SLC15A1: variants seen among roughly 807,000 people sequenced by gnomAD.
SLC15A1 encodes Caco-2 oligopeptide transporter.
In SLC15A1, 83 loss-of-function variants were observed where a neutral mutation model predicts 92.9. The ratio of observed to expected loss-of-function variants is 0.89; its 90% CI spans 0.75 to 1.07. SLC15A1 has a LOEUF of 1.07. Ranked by LOEUF, SLC15A1 falls within the 50% of genes least tolerant of loss-of-function variation. The probability of loss-of-function intolerance (pLI) is 0.00; values close to 1 mark genes in which losing one functional copy is unlikely to be tolerated. For missense variants in SLC15A1, 857 were observed against 880.1 expected (o/e 0.97, Z 0.33); for synonymous variants, 322 against 318.2 (o/e 1.01, Z -0.13).
At chr13:98,690,945 A>G (rs919335445) in intron 18 of SLC15A1, among the ~76,000 whole-genome samples, 1 of 152,116 alleles carries the variant, frequency 6.6e-6, no homozygotes, top group African/African-American at 2.4e-5. Flanking sequence ...CTTGATGTCA[A>G]TGGAATCATT....
intron 15 of SLC15A1, 86 bp downstream of exon 15, chr13:98,708,599 AT>A: frequency 8.4e-7 from 1 of 1,190,898 alleles, no homozygotes; most frequent in Non-Finnish European, 1.2e-6. Context: ...GCCTCCCCTA[AT>A]CCCCTTCATG....
chr13:98,692,747 ATTTG>A (rs893907248), intron 18 of SLC15A1, among the ~76,000 whole-genome samples: 4 of 151,898 alleles, frequency 2.6e-5, no homozygotes, highest in African/African-American at 7.3e-5. Flanking sequence ...ATTTTTATTT[ATTTG>A]TTTGTTTGTT....
intron 1 of SLC15A1, among the ~76,000 whole-genome samples, chr13:98,730,764 G>A (rs2088344493): frequency 6.6e-6 from 1 of 152,186 alleles, no homozygotes; most frequent in African/African-American, 2.4e-5. Flanking sequence ...CTAAGGCCCC[G>A]TTTATCAGTC....
chr13:98,686,997 G>A (rs2087934421), intron 21 of SLC15A1, among the ~76,000 whole-genome samples: 1 of 148,478 alleles, frequency 6.7e-6, no homozygotes, highest in South Asian at 2.1e-4. Context: ...GCGCATGCTG[G>A]AGTGCAGTGG....
chr13:98,746,324 G>C (rs1308190156), intron 1 of SLC15A1, among the ~76,000 whole-genome samples: 1 of 152,102 alleles, frequency 6.6e-6, no homozygotes, highest in Non-Finnish European at 1.5e-5. Flanking sequence ...TAGTGCTTCA[G>C]TGAACATATG....
intron 18 of SLC15A1, among the ~76,000 whole-genome samples, chr13:98,689,042 C>T (rs965482884): frequency 3.3e-5 from 5 of 152,210 alleles, no homozygotes; most frequent in South Asian, 2.1e-4. Flanking sequence ...CAGGTTCAAG[C>T]GATTTTCCTG....
At chr13:98,712,681 G>T in intron 9 of SLC15A1, 97 bp from the exon 10 acceptor site, 2 of 850,930 alleles carry the variant, frequency 2.4e-6, no homozygotes, top group South Asian at 1.6e-5. Flanking sequence ...AAAAATATAC[G>T]TGTGAGAAAA....
chr13:98,727,972 T>G (rs2139597594), intron 1 of SLC15A1, among the ~76,000 whole-genome samples: 1 of 152,280 alleles, frequency 6.6e-6, no homozygotes, highest in East Asian at 1.9e-4. Flanking sequence ...AACAGATGGC[T>G]GGGCCCCATT....
intron 1 of SLC15A1, among the ~76,000 whole-genome samples, chr13:98,731,111 AG>A (rs2088347071): frequency 6.6e-6 from 1 of 152,110 alleles, no homozygotes; most frequent in Non-Finnish European, 1.5e-5. Flanking sequence ...CTTGCAGGCC[AG>A]GGGGCAACAG....
At chr13:98,686,553 G>A (rs1171584952) in intron 21 of SLC15A1, among the ~76,000 whole-genome samples, 1 of 152,140 alleles carries the variant, frequency 6.6e-6, no homozygotes, top group Non-Finnish European at 1.5e-5. Context: ...ACACATCTAC[G>A]GAGGAGCTGA....
chr13:98,698,287 T>G (rs1054618563), intron 18 of SLC15A1, among the ~76,000 whole-genome samples: 3 of 152,208 alleles, frequency 2.0e-5, no homozygotes, highest in African/African-American at 7.2e-5. Context: ...TAAATCCTGT[T>G]TATGGATCTA....
At chr13:98,721,733 T>C in intron 6 of SLC15A1, 71 bp downstream of exon 6, 1 of 1,448,228 alleles carries the variant, frequency 6.9e-7, no homozygotes, top group South Asian at 1.2e-5. Flanking sequence ...GAACAGACTT[T>C]GTGCCCGTGG....
Position 98,709,845 on chromosome 13 carries a change from A to G in SLC15A1, c.945+22T>C, listed in dbSNP as rs2088147081. The G allele has an allele frequency of 5.6e-6, 9 of 1,614,208 alleles. No individual in the cohort carries two copies. In the African/African-American group the frequency reaches 9.3e-5, roughly 17 times the overall value. ...GAAGAAGAAAGGGGACAAAGAAACTAAAACAAAGGAGTCAAACTTACGATT... is the reference window on the plus strand; with the variant it reads ...GAAGAAGAAAGGGGACAAAGAAACTGAAACAAAGGAGTCAAACTTACGATT... On this transcript the variant is annotated intron_variant, in intron 12 of 22. Transcript: ENST00000376503.
Position 98,688,684 on chromosome 13 carries a change from T to G in SLC15A1, c.1467-107A>C. The G allele has an allele frequency of 5.2e-6, 4 of 774,536 alleles. No individual in the cohort carries two copies. In the South Asian group the frequency reaches 6.6e-5, roughly 13 times the overall value. 48.0% of individuals were successfully genotyped at this position (774,536 alleles called of 1,614,324 possible). On this transcript the variant is annotated intron_variant, in intron 18 of 22. Coordinates refer to ENST00000376503, the MANE Select transcript of SLC15A1 (RefSeq NM_005073.4). ...CAATACTCCCTATTTTGAAGGAGTT[T>G]AAGATGTTTTCAGAATATTTCTAGA... is the stretch of plus-strand genomic sequence containing the variant.
chr13:98,706,041 A>G (rs1486412639), intron 16 of SLC15A1, 93 bp downstream of exon 16: 29 of 1,421,232 alleles, frequency 2.0e-5, no homozygotes, highest in Non-Finnish European at 2.5e-5. Flanking sequence ...TGGCCTTGGC[A>G]TTTATACAAG....
intron 1 of SLC15A1, among the ~76,000 whole-genome samples, chr13:98,738,121 G>A (rs907234178): frequency 2.0e-5 from 3 of 152,232 alleles, no homozygotes; most frequent in South Asian, 2.1e-4. Flanking sequence ...GATTCAAGAT[G>A]TGACCTGGCT....
intron 16 of SLC15A1, among the ~76,000 whole-genome samples, chr13:98,704,835 T>C (rs1023076218): frequency 1.3e-5 from 2 of 152,156 alleles, no homozygotes; most frequent in Admixed American, 1.3e-4. Context: ...AGATTATTAG[T>C]TTCACAAGGT....
At chr13:98,705,893 T>TAAA (rs58621986) in intron 16 of SLC15A1, among the ~76,000 whole-genome samples, 5 of 143,004 alleles carry the variant, frequency 3.5e-5, no homozygotes, top group Admixed American at 1.4e-4. Context: ...AGACTCCATC[T>TAAA]AAAAAAAAAA....
intron 18 of SLC15A1, among the ~76,000 whole-genome samples, chr13:98,694,977 C>T (rs1273922453): frequency 1.4e-5 from 2 of 142,930 alleles, no homozygotes; most frequent in Non-Finnish European, 3.0e-5. Flanking sequence ...GCCAAGATCA[C>T]ACCACTGCAC....
Sources: gnomAD v4.1 joint callset for allele counts (sites outside exome capture counted in the v4.1 genomes callset) on GRCh38, gnomAD v4.1.1 for gene constraint, MANE v1.5 for transcripts, NCBI Gene and HGNC (gene_info 2026-07-23, HGNC 2026-07-21) for gene names.